TEDC1: variants seen among roughly 807,000 people sequenced by gnomAD.
TEDC1 encodes the protein tubulin epsilon and delta complex protein 1.
Under a neutral mutation model 59.9 loss-of-function variants are expected in TEDC1, and 54 were observed. The ratio of observed to expected loss-of-function variants is 0.90; its 90% CI spans 0.72 to 1.13. TEDC1 has a LOEUF of 1.13. Among genes scored for constraint, TEDC1 ranks in the 50% most tolerant of loss-of-function variants. TEDC1 has a pLI of 0.00. For missense variants in TEDC1, 734 were observed against 683.4 expected (o/e 1.07, Z -0.83); for synonymous variants, 353 against 298.1 (o/e 1.18, Z -1.90).
intron 1 of TEDC1, 39 bp from the exon 2 acceptor site, chr14:105,491,583 G>T: frequency 6.5e-7 from 1 of 1,547,878 alleles, no homozygotes; most frequent in Non-Finnish European, 8.7e-7. Context: ...CAGGGAGTTG[G>T]GCCGGCTCCG....
chr14:105,492,390 C>T (rs1405228339), intron 3 of TEDC1, 81 bp downstream of exon 3: 15 of 1,556,502 alleles, frequency 9.6e-6, no homozygotes, highest in Non-Finnish European at 1.2e-5. Flanking sequence ...GGGTCAGCCC[C>T]CTCTGTCTGC....
At chr14:105,494,125 T>C in intron 5 of TEDC1, 192 bp downstream of exon 5, 5 of 601,370 alleles carry the variant, frequency 8.3e-6, no homozygotes. Flanking sequence ...CCTAGCCTCA[T>C]GGGCCACTCA....
At chr14:105,497,330 C>T (rs782760633) in intron 6 of TEDC1, 27 bp from the exon 7 acceptor site, 48 of 1,547,418 alleles carry the variant, frequency 3.1e-5, no homozygotes, top group South Asian at 3.1e-4. Flanking sequence ...GTGTGAGGTT[C>T]TAGGCCAGCT....
intron 5 of TEDC1, chr14:105,494,301 CA>C (rs1390227376): frequency 1.2e-4 from 38 of 306,204 alleles, no homozygotes; most frequent in African/African-American, 5.1e-4. Context: ...CTTGGTGTGT[CA>C]GGGGGCACCT....
chr14:105,491,406 G>A lies in TEDC1; in HGVS notation c.31G>A (p.Ala11Thr), dbSNP rs2084203774. Residue 11 changes from alanine to threonine, a missense_variant, in exon 1 of 9, where the codon GCG becomes ACG. Transcript: ENST00000392523. MGRRRQRVDP[A>T]AGARAGALPE... ...GAGGCGGCGGCAGCGGGTGGACCCC[G>A]CGGCTGGGGCCCGGGCCGGGGCCCT... 7.1e-7 allele frequency: 1 copy of A among 1,417,760 alleles called. No homozygotes were observed. The highest frequency in any genetic ancestry group is 9.1e-7 in the Non-Finnish European group (1 of 1,095,414). 87.8% of individuals were successfully genotyped at this position (1,417,760 alleles called of 1,614,324 possible). A position where few individuals can be genotyped will look rare whatever the true frequency, so the allele number is the denominator to read the frequency against.
At chr14:105,494,042 A>C in intron 5 of TEDC1, 109 bp downstream of exon 5, 1 of 831,844 alleles carries the variant, frequency 1.2e-6, no homozygotes, top group South Asian at 1.6e-5. Flanking sequence ...TTGGGCCTCC[A>C]GCGGTGGGTG....
Position 105,498,614 on chromosome 14 carries a change from C to G in TEDC1, c.1159-3C>G. On this transcript the variant is annotated splice_polypyrimidine_tract_variant and splice_region_variant and intron_variant, in intron 8 of 8. Transcript: ENST00000392523. ...AGAGCCATTGCCATTGTGTCCCACG[C>G]AGGCTGGAGGCTGTGGACGGGGGCC... 6.5e-7 allele frequency: 1 copy of G among 1,536,086 alleles called. No homozygotes were observed. The highest frequency in any genetic ancestry group is 8.8e-7 in the Non-Finnish European group (1 of 1,138,554).
At chr14:105,497,739 G>C (rs2084379396) in intron 7 of TEDC1, 59 bp from the exon 8 acceptor site, 1 of 1,468,874 alleles carries the variant, frequency 6.8e-7, no homozygotes, top group African/African-American at 1.4e-5. Flanking sequence ...TGCCCTCTTT[G>C]CCCTCTGTCC....
At position 105,498,537 on chromosome 14, in the gene TEDC1, G is replaced by A. The variant is rs587658506; in HGVS notation, c.1159-80G>A. 9.1e-6 allele frequency: 13 copies of A among 1,424,114 alleles called. No homozygotes were observed. The South Asian group carries it at 1.9e-4, about 21-fold the overall frequency. The allele number at this position is 1,424,114 out of a possible 1,614,324, so 88.2% of individuals were successfully genotyped here. A position where few individuals can be genotyped will look rare whatever the true frequency, so the allele number is the denominator to read the frequency against. ...GCATGCCTGCAGCGCCTGCACCTGAGTCTGGGCTCAGGGAATGCTCAGGGA... is the reference window on the plus strand; with the variant it reads ...GCATGCCTGCAGCGCCTGCACCTGAATCTGGGCTCAGGGAATGCTCAGGGA... On this transcript the variant is annotated intron_variant, in intron 8 of 8. Transcript: ENST00000392523.
Position 105,491,264 on chromosome 14 carries a change from T to C in TEDC1, c.-112T>C. 2 of 1,528,064 alleles carry C rather than the reference T, an allele frequency of 1.3e-6. No individual in the cohort carries two copies. Among genetic ancestry groups the C allele is most frequent in the East Asian group, 4.9e-5 (2 of 40,686 alleles). 94.7% of individuals were successfully genotyped at this position (1,528,064 alleles called of 1,614,324 possible). ...TGGGCTCAGGTTCCAGCCGGAGCGG[T>C]AACTGGGCGCAGGTCCCAGCCGCCG... On this transcript the variant is annotated 5_prime_UTR_variant, in exon 1 of 9. Transcript: ENST00000392523.
At chr14:105,497,708 TG>T in intron 7 of TEDC1, 89 bp from the exon 8 acceptor site, 1 of 1,419,938 alleles carries the variant, frequency 7.0e-7, no homozygotes. Context: ...CAGCCCGCTG[TG>T]GGACCTGGGG....
intron 7 of TEDC1, 137 bp from the exon 8 acceptor site, chr14:105,497,661 C>A (rs587595777): frequency 1.6e-6 from 2 of 1,230,608 alleles, no homozygotes; most frequent in East Asian, 2.6e-5. Context: ...GGCCTTTGTG[C>A]CTCCCTGGAC....
intron 5 of TEDC1, 107 bp from the exon 6 acceptor site, chr14:105,495,773 C>A: frequency 1.0e-6 from 1 of 952,530 alleles, no homozygotes; most frequent in Non-Finnish European, 1.5e-6. Flanking sequence ...GTGGGACCAC[C>A]CTCTGTGGTG....
intron 5 of TEDC1, chr14:105,495,031 C>T (rs4983424): frequency 0.8 from 121,627 of 152,210 alleles, 52,645 homozygotes; most frequent in Non-Finnish European, 0.96. Context: ...TCACCACGTC[C>T]GGCTAATTTT....
In TEDC1 at chr14:105,492,739, A is replaced by T; in HGVS notation, c.585+5A>T. On this transcript the variant is annotated splice_donor_5th_base_variant and intron_variant, in intron 4 of 8. Coordinates refer to ENST00000392523, the MANE Select transcript of TEDC1 (RefSeq NM_001367178.1). ...CAGTGCGCCCTCCTGAGCAAGGTAGAGCTGGCACAGGGCTTCCACTCAGGG... is the reference window on the plus strand; with the variant it reads ...CAGTGCGCCCTCCTGAGCAAGGTAGTGCTGGCACAGGGCTTCCACTCAGGG... 2.6e-6 allele frequency: 4 copies of T among 1,540,568 alleles called. No homozygotes were observed. Among genetic ancestry groups the T allele is most frequent in the Non-Finnish European group, 3.5e-6 (4 of 1,146,650 alleles).
Position 105,491,705 on chromosome 14 carries a change from G to A in TEDC1, c.226+5G>A, listed in dbSNP as rs2084213450. On this transcript the variant is annotated splice_donor_5th_base_variant and intron_variant, in intron 2 of 8. Coordinates refer to ENST00000392523, the MANE Select transcript of TEDC1 (RefSeq NM_001367178.1). ...CCTTGGCATCGCTCGCCCTGGGTAAGCCCCGCTCCTGGCCCCGCCCACCCG... is the reference window on the plus strand; with the variant it reads ...CCTTGGCATCGCTCGCCCTGGGTAAACCCCGCTCCTGGCCCCGCCCACCCG... 6.5e-7 allele frequency: 1 copy of A among 1,547,346 alleles called. No individual in the cohort carries two copies. Among genetic ancestry groups the A allele is most frequent in the Non-Finnish European group, 8.7e-7 (1 of 1,146,680 alleles).
At chr14:105,489,889 G>T (rs1297250111), upstream of TEDC1, 2 of 152,316 alleles carry the variant, frequency 1.3e-5, no homozygotes, top group African/African-American at 4.8e-5. Context: ...GAGCTGCTCC[G>T]CCATCTCCCC....
upstream of TEDC1, chr14:105,490,905 G>C (rs1163658824): frequency 4.1e-6 from 4 of 985,932 alleles, no homozygotes; most frequent in African/African-American, 3.2e-5. Context: ...GGTGGGGTCT[G>C]AGCGAGGCGG....
chr14:105,491,151 T>A, upstream of TEDC1: 1 of 1,550,556 alleles, frequency 6.4e-7, no homozygotes, highest in Non-Finnish European at 8.7e-7. Flanking sequence ...AGCGCGGTGA[T>A]TGGGTACAGG....
Sources: allele counts gnomAD v4.1 joint callset, GRCh38; gene constraint gnomAD v4.1.1; transcripts MANE v1.5; gene names NCBI Gene and HGNC (gene_info 2026-07-23, HGNC 2026-07-21).